NRG3: variants seen among roughly 807,000 people sequenced by gnomAD.
NRG3 encodes neuregulin 3, also known as pro-neuregulin-3, membrane-bound isoform.
NRG3 carries 31 observed loss-of-function variants against 66.9 expected under a neutral mutation model. The ratio of observed to expected loss-of-function variants is 0.46; its 90% confidence interval spans 0.35 to 0.63. The LOEUF (loss-of-function observed/expected upper bound fraction) is 0.63. NRG3 is among the 20% of genes least tolerant of loss of function. NRG3 has a pLI of 0.00. For missense variants in NRG3, 910 were observed against 878.9 expected, an observed-to-expected ratio of 1.04 and a Z score of -0.45; for synonymous variants, 393 against 359.4, an observed-to-expected ratio of 1.09 and a Z score of -1.06.
chr10:82,222,727 T>C (rs1449966122), intron 1 of NRG3, among the ~76,000 whole-genome samples: 1 of 152,250 alleles, frequency 6.6e-6, no homozygotes, highest in Non-Finnish European at 1.5e-5. Flanking sequence ...TCCCTATTTT[T>C]GTTTCTTTGT....
At chr10:82,327,748 A>G (rs1564799928) in intron 1 of NRG3, among the ~76,000 whole-genome samples, 2 of 152,150 alleles carry the variant, frequency 1.3e-5, no homozygotes, top group African/African-American at 2.4e-5. Flanking sequence ...TTAGTTAGGT[A>G]AGGCTGCCAT....
At chr10:82,484,549 C>G (rs1393241417) in intron 2 of NRG3, among the ~76,000 whole-genome samples, 1 of 152,148 alleles carries the variant, frequency 6.6e-6, no homozygotes, top group Non-Finnish European at 1.5e-5. Flanking sequence ...AAATTCTTGT[C>G]TGTTTGTCCC....
At chr10:82,834,480 G>A (rs573543624) in intron 3 of NRG3, among the ~76,000 whole-genome samples, 3 of 152,098 alleles carry the variant, frequency 2.0e-5, no homozygotes, top group Non-Finnish European at 2.9e-5. Flanking sequence ...GAGTAACAGC[G>A]AATTGCAAAT....
chr10:82,227,000 G>A (rs932823047), intron 1 of NRG3, among the ~76,000 whole-genome samples: 3 of 152,130 alleles, frequency 2.0e-5, no homozygotes, highest in African/African-American at 7.2e-5. Context: ...CTGTATATGT[G>A]CTATAACATA....
At position 82,085,647 on chromosome 10, in the gene NRG3, T is replaced by C. The variant is rs188340194; in HGVS notation, c.823+209484T>C. Among the ~76,000 whole-genome samples, 184 of 152,108 alleles carry C rather than the reference T, an allele frequency of 1.2e-3. 2 individuals carry two copies. Among genetic ancestry groups the C allele is most frequent in the African/African-American group, 4.3e-3 (178 of 41,440 alleles). ...TTAACCCATTCACCTCTTTTTTTTTTCTTTTTGAGATGGAGTTTCATTCTT... is the reference window on the plus strand; with the variant it reads ...TTAACCCATTCACCTCTTTTTTTTTCCTTTTTGAGATGGAGTTTCATTCTT... On this transcript the variant is annotated intron_variant, in intron 1 of 8. Coordinates refer to ENST00000372141, the MANE Select transcript of NRG3 (RefSeq NM_001010848.4).
chr10:82,494,198 A>G (rs1843412910), intron 2 of NRG3, among the ~76,000 whole-genome samples: 1 of 152,210 alleles, frequency 6.6e-6, no homozygotes, highest in Non-Finnish European at 1.5e-5. Flanking sequence ...TCAAGGATCT[A>G]GAACCAGAAA....
In NRG3 at chr10:82,323,976, C is replaced by T. The variant is rs142422669; in HGVS notation, c.824-34763C>T. Among the ~76,000 whole-genome samples the T allele has an allele frequency of 1.1e-4, 16 of 152,196 alleles. No homozygotes were observed. The East Asian group carries it at 1.2e-3, about 11-fold the overall frequency. On this transcript the variant is annotated intron_variant, in intron 1 of 8. Coordinates refer to ENST00000372141, the MANE Select transcript of NRG3 (RefSeq NM_001010848.4). ...ACCTCGCAGGTTCAAGCTATTCTCT[C>T]GCCTTAGCCTCCTGAGTAGCTTGGA...
intron 1 of NRG3, among the ~76,000 whole-genome samples, chr10:82,337,447 T>G (rs2082446226): frequency 1.3e-5 from 2 of 152,222 alleles, no homozygotes; most frequent in Admixed American, 6.5e-5. Context: ...GGCTACTATG[T>G]GTAATATTTC....
At chr10:81,996,765 G>C (rs1045327774) in intron 1 of NRG3, among the ~76,000 whole-genome samples, 1 of 152,028 alleles carries the variant, frequency 6.6e-6, no homozygotes, top group Non-Finnish European at 1.5e-5. Context: ...GTGAATTGCT[G>C]TGTGGGTGGG....
At chr10:81,920,722 A>G (rs1303538856) in intron 1 of NRG3, among the ~76,000 whole-genome samples, 3 of 152,192 alleles carry the variant, frequency 2.0e-5, no homozygotes, top group Non-Finnish European at 4.4e-5. Flanking sequence ...CACGTCAGTA[A>G]GTACACATCT....
intron 4 of NRG3, among the ~76,000 whole-genome samples, chr10:82,945,785 A>G (rs187278657): frequency 1.3e-5 from 2 of 152,298 alleles, no homozygotes; most frequent in East Asian, 1.9e-4. Context: ...TGACTATTCA[A>G]TTTCCAACAC....
intron 1 of NRG3, among the ~76,000 whole-genome samples, chr10:82,238,057 A>G (rs1050986656): frequency 5.9e-5 from 9 of 152,168 alleles, no homozygotes; most frequent in Non-Finnish European, 1.2e-4. Flanking sequence ...TGATTTTACT[A>G]TATTGGTAGT....
At chr10:82,340,465 A>C (rs2135384305) in intron 1 of NRG3, among the ~76,000 whole-genome samples, 1 of 152,350 alleles carries the variant, frequency 6.6e-6, no homozygotes, top group South Asian at 2.1e-4. Flanking sequence ...CAGGTGGAGA[A>C]GAAAGTGCTT....
At chr10:82,512,985 G>T (rs1172204940) in intron 2 of NRG3, among the ~76,000 whole-genome samples, 2 of 152,142 alleles carry the variant, frequency 1.3e-5, no homozygotes, top group East Asian at 3.9e-4. Flanking sequence ...GGATACATGT[G>T]CAGGACGTGC....
intron 1 of NRG3, among the ~76,000 whole-genome samples, chr10:81,964,653 C>A (rs920359679): frequency 6.6e-6 from 1 of 152,110 alleles, no homozygotes; most frequent in Non-Finnish European, 1.5e-5. Flanking sequence ...AGTGTGCATG[C>A]CCTTATCAAA....
intron 1 of NRG3, among the ~76,000 whole-genome samples, chr10:81,937,330 AT>A (rs573709432): frequency 6.6e-6 from 1 of 151,686 alleles, no homozygotes; most frequent in Non-Finnish European, 1.5e-5. Context: ...TAATTTATTT[AT>A]TTTTTTTGAA....
At chr10:81,885,598 A>C (rs1842551191) in intron 1 of NRG3, among the ~76,000 whole-genome samples, 1 of 151,968 alleles carries the variant, frequency 6.6e-6, no homozygotes. Flanking sequence ...CTTTTGGTTA[A>C]AGTAAAAGAT....
chr10:82,412,863 C>G (rs2088211015), intron 2 of NRG3, among the ~76,000 whole-genome samples: 1 of 152,162 alleles, frequency 6.6e-6, no homozygotes, highest in South Asian at 2.1e-4. Flanking sequence ...TTTCTTAGCT[C>G]TTCCCTAAGA....
intron 1 of NRG3, among the ~76,000 whole-genome samples, chr10:82,266,848 T>C (rs552824018): frequency 6.6e-6 from 1 of 152,288 alleles, no homozygotes; most frequent in South Asian, 2.1e-4. Context: ...TCATAGCAGG[T>C]TATGGATCCT....
Sources: gnomAD v4.1 joint callset for allele counts (sites outside exome capture counted in the v4.1 genomes callset) on GRCh38, gnomAD v4.1.1 for gene constraint, MANE v1.5 for transcripts, NCBI Gene and HGNC (gene_info 2026-07-23, HGNC 2026-07-21) for gene names.